DLGAP2: variants seen among roughly 807,000 people sequenced by gnomAD.
DLGAP2 encodes the protein DLG associated protein 2, also known as disks large-associated protein 2.
Under a neutral mutation model 100.3 loss-of-function variants are expected in DLGAP2, and 26 were observed. The ratio of observed to expected loss-of-function variants is 0.26; its 90% CI spans 0.19 to 0.36. The LOEUF is 0.36. DLGAP2 is among the 10% of genes least tolerant of loss of function. DLGAP2 has a pLI of 1.00. For synonymous variants in DLGAP2, 886 were observed against 630.1 expected (o/e 1.41, Z -6.08); for missense variants, 1,858 against 1,453.2 (o/e 1.28, Z -4.53).
At chr8:884,425 T>C (rs1197706838) in intron 1 of DLGAP2, among the ~76,000 whole-genome samples, 1 of 152,184 alleles carries the variant, frequency 6.6e-6, no homozygotes, top group African/African-American at 2.4e-5. Flanking sequence ...TTGTTGGCTG[T>C]GTAAATGTCT....
At chr8:1,164,835 C>G (rs1244973015) in intron 2 of DLGAP2, among the ~76,000 whole-genome samples, 1 of 152,044 alleles carries the variant, frequency 6.6e-6, no homozygotes, top group East Asian at 1.9e-4. Context: ...AATACCAGGT[C>G]CCTTTGTCAG....
intron 2 of DLGAP2, among the ~76,000 whole-genome samples, chr8:1,172,371 C>A (rs1210995145): frequency 2.0e-5 from 3 of 151,678 alleles, no homozygotes; most frequent in Non-Finnish European, 4.4e-5. Flanking sequence ...CTTGGAGTTG[C>A]TCTTCTCGAG....
At chr8:1,012,381 G>A (rs1240521018) in intron 2 of DLGAP2, among the ~76,000 whole-genome samples, 2 of 152,224 alleles carry the variant, frequency 1.3e-5, no homozygotes, top group Non-Finnish European at 2.9e-5. Flanking sequence ...AAGCGCCCGC[G>A]GCAAATGCTT....
At chr8:853,921 C>A (rs905504309) in intron 1 of DLGAP2, among the ~76,000 whole-genome samples, 1 of 152,074 alleles carries the variant, frequency 6.6e-6, no homozygotes, top group Non-Finnish European at 1.5e-5. Context: ...GTCATGAAGT[C>A]ATGAGGGTGG....
intron 1 of DLGAP2, among the ~76,000 whole-genome samples, chr8:800,990 C>T (rs1796140987): frequency 6.6e-6 from 1 of 152,116 alleles, no homozygotes; most frequent in African/African-American, 2.4e-5. Context: ...TGCCACCGTC[C>T]ACAGCCTGAT....
intron 2 of DLGAP2, among the ~76,000 whole-genome samples, chr8:1,092,493 A>C (rs1027202040): frequency 1.3e-5 from 2 of 152,190 alleles, no homozygotes; most frequent in African/African-American, 4.8e-5. Flanking sequence ...AGGGGTAGGC[A>C]TGCAGGGAGC....
chr8:1,046,151 C>T (rs1802508699), intron 2 of DLGAP2, among the ~76,000 whole-genome samples: 1 of 152,160 alleles, frequency 6.6e-6, no homozygotes. Context: ...CAGTTATTAG[C>T]AGAAACCATA....
chr8:1,386,533 C>G (rs1796224615), intron 3 of DLGAP2, among the ~76,000 whole-genome samples: 1 of 152,142 alleles, frequency 6.6e-6, no homozygotes, highest in African/African-American at 2.4e-5. Flanking sequence ...GCTCCAGGCA[C>G]AGGCACACCA....
At chr8:1,418,342 T>A (rs772722637) in intron 3 of DLGAP2, among the ~76,000 whole-genome samples, 1 of 152,206 alleles carries the variant, frequency 6.6e-6, no homozygotes, top group African/African-American at 2.4e-5. Context: ...AATATTCAAC[T>A]TTAGATATTT....
chr8:1,090,130 G>C (rs1445330360), intron 2 of DLGAP2, among the ~76,000 whole-genome samples: 2 of 129,180 alleles, frequency 1.5e-5, no homozygotes, highest in Non-Finnish European at 3.3e-5. Flanking sequence ...AGGACCTGCT[G>C]CCTGTCTGCG....
chr8:963,933 C>G (rs1799786206), intron 2 of DLGAP2, among the ~76,000 whole-genome samples: 2 of 152,192 alleles, frequency 1.3e-5, no homozygotes, highest in Admixed American at 6.5e-5. Flanking sequence ...TTCGAAAGAA[C>G]TGACTCTTTT....
intron 1 of DLGAP2, among the ~76,000 whole-genome samples, chr8:872,328 C>CTTTTTTTTTTTTTT (rs770291812): frequency 1.5e-5 from 2 of 129,512 alleles, no homozygotes; most frequent in Non-Finnish European, 3.3e-5. Context: ...TCTCTCACTT[C>CTTTTTTTTTTTTTT]TTTTCTTTTT....
At chr8:894,684 G>T (rs1422317287) in intron 1 of DLGAP2, among the ~76,000 whole-genome samples, 1 of 146,530 alleles carries the variant, frequency 6.8e-6, no homozygotes, top group African/African-American at 2.6e-5. Flanking sequence ...GGAAAGTGGA[G>T]CGGTGGATGG....
chr8:947,622 C>T (rs1451707298), intron 2 of DLGAP2, among the ~76,000 whole-genome samples: 1 of 152,226 alleles, frequency 6.6e-6, no homozygotes, highest in Non-Finnish European at 1.5e-5. Flanking sequence ...TGGCTTCAGC[C>T]TGGTCACCAC....
chr8:1,324,125 G>C (rs570411319), intron 3 of DLGAP2, among the ~76,000 whole-genome samples: 1 of 152,316 alleles, frequency 6.6e-6, no homozygotes, highest in African/African-American at 2.4e-5. Context: ...ATTGAAGGGG[G>C]AGGAAGACGA....
intron 2 of DLGAP2, among the ~76,000 whole-genome samples, chr8:924,261 C>A (rs1798769755): frequency 6.6e-6 from 1 of 152,186 alleles, no homozygotes. Context: ...ACTGGCCCTT[C>A]CTAGGTGATG....
At chr8:988,216 A>G (rs1800543449) in intron 2 of DLGAP2, among the ~76,000 whole-genome samples, 1 of 152,212 alleles carries the variant, frequency 6.6e-6, no homozygotes, top group Non-Finnish European at 1.5e-5. Context: ...TAGTATTCAG[A>G]TAGAGAAATA....
At chr8:1,080,774 A>C (rs1427552811) in intron 2 of DLGAP2, among the ~76,000 whole-genome samples, 1 of 152,110 alleles carries the variant, frequency 6.6e-6, no homozygotes, top group African/African-American at 2.4e-5. Flanking sequence ...AATATATTTA[A>C]ATCCTTAAGT....
intron 1 of DLGAP2, among the ~76,000 whole-genome samples, chr8:780,611 C>A (rs1038681497): frequency 6.6e-6 from 1 of 152,204 alleles, no homozygotes; most frequent in Non-Finnish European, 1.5e-5. Context: ...TCCCCTTCAC[C>A]CATATCCTCA....
Sources: allele counts gnomAD v4.1 joint callset (sites outside exome capture counted in the v4.1 genomes callset), GRCh38; gene constraint gnomAD v4.1.1; transcripts MANE v1.5; gene names NCBI Gene and HGNC (gene_info 2026-07-23, HGNC 2026-07-21).